The following CTNNA2 variants were observed in gnomAD, a reference collection of about 807,000 sequenced individuals.
The protein encoded by CTNNA2 is catenin alpha 2.
CTNNA2 carries 42 observed loss-of-function variants against 101.0 expected under a neutral mutation model. The observed-to-expected ratio is 0.42, with a 90% CI of 0.32 to 0.54. CTNNA2 has a LOEUF of 0.54. CTNNA2 is among the 20% of genes least tolerant of loss of function. The pLI is 0.14. For missense variants in CTNNA2, 871 were observed against 1,223.1 expected (o/e 0.71, Z 4.29); for synonymous variants, 450 against 456.4 (o/e 0.99, Z 0.18).
At chr2:79,282,552 C>A (rs1675422921) in intron 2 of CTNNA2, among the ~76,000 whole-genome samples, 1 of 150,356 alleles carries the variant, frequency 6.7e-6, no homozygotes, top group Non-Finnish European at 1.5e-5. Flanking sequence ...ATGATGATTT[C>A]CAATTTCATC....
chr2:79,789,520 C>T (rs986971169), intron 3 of CTNNA2, among the ~76,000 whole-genome samples: 1 of 151,930 alleles, frequency 6.6e-6, no homozygotes, highest in Admixed American at 6.6e-5. Flanking sequence ...GCATGTGAGC[C>T]GAGTTTTTAT....
Position 80,103,605 on chromosome 2 carries a change from C to T in CTNNA2, c.1056+193808C>T, listed in dbSNP as rs140055294. On this transcript the variant is annotated intron_variant, in intron 7 of 18. Coordinates refer to ENST00000402739, the MANE Select transcript of CTNNA2 (RefSeq NM_001282597.3). ...ATCCCCATCTAACCAGATGAGCAGTCCTTGGCTTCTGTGTGTCTACTACCA... is the reference window on the plus strand; with the variant it reads ...ATCCCCATCTAACCAGATGAGCAGTTCTTGGCTTCTGTGTGTCTACTACCA... 4.1e-4 allele frequency among the ~76,000 whole-genome samples: 62 copies of T among 152,298 alleles called. No individual in the cohort carries two copies. The East Asian group carries it at 5.6e-3, about 14-fold the overall frequency.
intron 1 of CTNNA2, among the ~76,000 whole-genome samples, chr2:79,514,123 G>C (rs1236599574): frequency 6.6e-6 from 1 of 152,206 alleles, no homozygotes; most frequent in African/African-American, 2.4e-5. Flanking sequence ...GTGCACCACA[G>C]CATTATTTAT....
Position 80,318,066 on chromosome 2 carries a change from G to A in CTNNA2, c.1057-75145G>A, listed in dbSNP as rs919365292. 4.6e-5 allele frequency among the ~76,000 whole-genome samples: 7 copies of A among 152,054 alleles called. No individual in the cohort carries two copies. In the South Asian group the frequency reaches 8.3e-4, roughly 18 times the overall value. On this transcript the variant is annotated intron_variant, in intron 7 of 18. Transcript: ENST00000402739. Reference sequence around the variant, plus strand: ...TCACCCCATCTACCCCTACAAATCCGTATGTCCACGTATTCACCCATCCAT... The same window carrying A: ...TCACCCCATCTACCCCTACAAATCCATATGTCCACGTATTCACCCATCCAT...
chr2:79,950,331 A>T (rs1020609005), intron 7 of CTNNA2, among the ~76,000 whole-genome samples: 2 of 152,238 alleles, frequency 1.3e-5, no homozygotes, highest in African/African-American at 4.8e-5. Flanking sequence ...TGTAATTTGT[A>T]GTTCTTTACA....
At chr2:79,678,687 G>A (rs4422182) in intron 2 of CTNNA2, among the ~76,000 whole-genome samples, 23,243 of 152,074 alleles carry the variant, frequency 0.15, 2,038 homozygotes, top group Non-Finnish European at 0.19. Flanking sequence ...GTCTGACTGG[G>A]CCTATATTAA....
chr2:79,987,586 AG>A (rs143510109), intron 7 of CTNNA2, among the ~76,000 whole-genome samples: 17,336 of 152,222 alleles, frequency 0.11, 1,152 homozygotes, highest in South Asian at 0.2. Flanking sequence ...TATAAGTTGC[AG>A]GCATGTAGAA....
chr2:79,888,258 G>T (rs2916510), intron 6 of CTNNA2, among the ~76,000 whole-genome samples: 39,255 of 152,050 alleles, frequency 0.26, 5,512 homozygotes, highest in Middle Eastern at 0.36. Context: ...GGGTGCTTGG[G>T]GACCAGGTTA....
chr2:79,231,416 A>G (rs1674491600), intron 2 of CTNNA2, among the ~76,000 whole-genome samples: 1 of 152,166 alleles, frequency 6.6e-6, no homozygotes, highest in Non-Finnish European at 1.5e-5. Context: ...GCCCTCTGCC[A>G]TGATTGTGAG....
At chr2:79,413,970 T>TATATATATAC in intron 4 of CTNNA2, among the ~76,000 whole-genome samples, 1 of 118,498 alleles carries the variant, frequency 8.4e-6, no homozygotes, top group Non-Finnish European at 1.8e-5. Flanking sequence ...TATATATATA[T>TATATATATAC]ATAAGCTTTT....
At chr2:80,583,732 C>G (rs1305009927) in intron 14 of CTNNA2, among the ~76,000 whole-genome samples, 3 of 152,136 alleles carry the variant, frequency 2.0e-5, no homozygotes, top group African/African-American at 7.2e-5. Flanking sequence ...CAATATACTT[C>G]TGTTTCATTG....
chr2:80,147,122 T>C (rs1423939579), intron 7 of CTNNA2, among the ~76,000 whole-genome samples: 2 of 151,902 alleles, frequency 1.3e-5, no homozygotes, highest in African/African-American at 4.8e-5. Context: ...CACACCATCA[T>C]GCCTGGCTAA....
At chr2:80,560,122 G>A (rs1269243643) in intron 12 of CTNNA2, among the ~76,000 whole-genome samples, 1 of 151,452 alleles carries the variant, frequency 6.6e-6, no homozygotes, top group Non-Finnish European at 1.5e-5. Flanking sequence ...CACTCTGTAT[G>A]CAGAGATTAA....
rs371544995 is a variant in CTNNA2, at chr2:80,574,218, C to A, written c.1797C>A (p.Asn599Lys). ...TTGCCATTGAAGCCCTGAGTGCCAA[C>A]GTTCCTCAACCGTTTGAGGAGAATG... ...VEVAIEALSA[N>K]VPQPFEENEF... The change falls in exon 13 of 19, where the codon AAC becomes AAA. Residue 599 changes from asparagine to lysine, a missense_variant. Around this residue, in one of 5 missense-constraint regions of CTNNA2, gnomAD observed 647 missense variants for 831.5 expected, o/e 0.78. Transcript: ENST00000402739. The A allele has an allele frequency of 1.9e-6, 3 of 1,613,718 alleles. No individual in the cohort carries two copies. The highest frequency in any genetic ancestry group is 2.5e-6 in the Non-Finnish European group (3 of 1,179,726).
At chr2:79,612,435 A>G (rs1678339318) in intron 1 of CTNNA2, among the ~76,000 whole-genome samples, 1 of 152,230 alleles carries the variant, frequency 6.6e-6, no homozygotes, top group African/African-American at 2.4e-5. Context: ...TTTTCATAAC[A>G]AACCAACATA....
intron 3 of CTNNA2, among the ~76,000 whole-genome samples, chr2:79,824,396 G>A (rs1678252676): frequency 6.6e-6 from 1 of 152,112 alleles, no homozygotes; most frequent in South Asian, 2.1e-4. Flanking sequence ...CTGTGTTGGG[G>A]TCATAGGGTG....
chr2:79,824,119 G>A (rs1053226787), intron 3 of CTNNA2, among the ~76,000 whole-genome samples: 4 of 152,248 alleles, frequency 2.6e-5, no homozygotes, highest in South Asian at 4.1e-4. Flanking sequence ...GCAGTCTACC[G>A]TGCTTCAACT....
chr2:79,564,914 A>G (rs559251773), intron 1 of CTNNA2, among the ~76,000 whole-genome samples: 68 of 152,248 alleles, frequency 4.5e-4, no homozygotes, highest in African/African-American at 1.6e-3. Flanking sequence ...ATTTTAATTA[A>G]GCACTGTTTT....
At chr2:79,665,265 C>T (rs1682333899) in intron 2 of CTNNA2, among the ~76,000 whole-genome samples, 1 of 152,164 alleles carries the variant, frequency 6.6e-6, no homozygotes, top group East Asian at 1.9e-4. Flanking sequence ...TGGGCGTGGT[C>T]TCTGCTCTGC....
Sources: gnomAD v4.1 joint callset for allele counts (sites outside exome capture counted in the v4.1 genomes callset) on GRCh38, gnomAD v4.1.1 for gene constraint, gnomAD v4.1.1 regional missense constraint, MANE v1.5 for transcripts, NCBI Gene and HGNC (gene_info 2026-07-23, HGNC 2026-07-21) for gene names.